FYTTD1: variants seen among roughly 807,000 people sequenced by gnomAD.
The protein encoded by FYTTD1 is forty-two-three domain containing 1.
FYTTD1 carries 22 observed loss-of-function variants against 40.9 expected under a neutral mutation model. That is an observed-to-expected ratio of 0.54 (90% CI 0.38 to 0.77). FYTTD1 has a LOEUF of 0.77. Ranked by LOEUF, FYTTD1 falls within the 30% of genes least tolerant of loss-of-function variation. FYTTD1 has a pLI of 0.00. For missense variants in FYTTD1, 351 were observed against 392.2 expected (o/e 0.90, Z 0.89); for synonymous variants, 140 against 137.9 (o/e 1.01, Z -0.10).
At chr3:197,762,347 T>C (rs1407630430) in intron 2 of FYTTD1, among the ~76,000 whole-genome samples, 1 of 146,596 alleles carries the variant, frequency 6.8e-6, no homozygotes, top group Non-Finnish European at 1.5e-5. Flanking sequence ...TCCCAGCACT[T>C]TGGGAGGCCG....
At chr3:197,764,553 C>CA (rs1453100449) in intron 2 of FYTTD1, among the ~76,000 whole-genome samples, 1 of 151,682 alleles carries the variant, frequency 6.6e-6, no homozygotes, top group Admixed American at 6.6e-5. Flanking sequence ...ACTAAAAATG[C>CA]AAAAAATTAG....
chr3:197,777,547 A>G (rs1049753645), intron 7 of FYTTD1, among the ~76,000 whole-genome samples: 4 of 151,988 alleles, frequency 2.6e-5, no homozygotes, highest in Non-Finnish European at 5.9e-5. Flanking sequence ...CCCAATATAT[A>G]TATTTTTGTG....
chr3:197,780,650 C>G (rs552795584), intron 8 of FYTTD1, among the ~76,000 whole-genome samples: 3 of 151,756 alleles, frequency 2.0e-5, no homozygotes, highest in Non-Finnish European at 4.4e-5. Context: ...TCAAGCAATT[C>G]TCCTGCCTTA....
chr3:197,785,307 A>G lies in FYTTD1; in HGVS notation c.*3398A>G, dbSNP rs1286695548. On this transcript the variant is annotated 3_prime_UTR_variant, in exon 9 of 9. Coordinates refer to ENST00000241502, the MANE Select transcript of FYTTD1 (RefSeq NM_032288.7). ...ACCCTGCGCAATACTGAAGTCCCAC[A>G]TCTGTGTAAACGAAAAGTTGGCCCA... is the stretch of plus-strand genomic sequence containing the variant. 6.6e-6 allele frequency: 1 copy of G among 152,210 alleles called. No individual in the cohort carries two copies. The highest frequency in any genetic ancestry group is 1.5e-5 in the Non-Finnish European group (1 of 68,036). 9.4% of individuals were successfully genotyped at this position (152,210 alleles called of 1,614,324 possible). A position where few individuals can be genotyped will look rare whatever the true frequency, so the allele number is the denominator to read the frequency against.
chr3:197,750,146 G>A, intron 1 of FYTTD1, 72 bp downstream of exon 1: 1 of 1,175,770 alleles, frequency 8.5e-7, no homozygotes, highest in Non-Finnish European at 1.2e-6. Context: ...GCGGTTTGTG[G>A]GGGCAGGGGC....
rs1730176408 is a variant in FYTTD1, at chr3:197,787,372, G to A, written c.*5463G>A. On this transcript the variant is annotated 3_prime_UTR_variant, in exon 9 of 9. Coordinates refer to ENST00000241502, the MANE Select transcript of FYTTD1 (RefSeq NM_032288.7). ...GCCCGCCTCTGACTCCCAAAGTGCT[G>A]GGATTACAGGCATGAGCTACGGAGC... The A allele has an allele frequency of 6.6e-6, 1 of 152,312 alleles. No individual in the cohort carries two copies. Among genetic ancestry groups the A allele is most frequent in the African/African-American group, 2.4e-5 (1 of 41,414 alleles). 9.4% of individuals were successfully genotyped at this position (152,312 alleles called of 1,614,324 possible).
chr3:197,758,459 A>T (rs1243949561), intron 2 of FYTTD1, among the ~76,000 whole-genome samples: 1 of 152,220 alleles, frequency 6.6e-6, no homozygotes, highest in African/African-American at 2.4e-5. Context: ...TAGAGATAAG[A>T]TGGAAAAGGT....
At position 197,749,935 on chromosome 3, in the gene FYTTD1, C is replaced by T. The variant is rs775759906; in HGVS notation, c.-37C>T. The T allele has an allele frequency of 2.9e-5, 42 of 1,448,092 alleles. No individual in the cohort carries two copies. The highest frequency in any genetic ancestry group is 2.0e-4 in the Middle Eastern group (1 of 5,044). The allele number at this position is 1,448,092 out of a possible 1,614,324, so 89.7% of individuals were successfully genotyped here. ...GAGGTGGCAGGCCTGCGACTCCGGC[C>T]TTGTCCGCGCCCGCTCTCGGCGCGA... On this transcript the variant is annotated 5_prime_UTR_variant, in exon 1 of 9. Coordinates refer to ENST00000241502, the MANE Select transcript of FYTTD1 (RefSeq NM_032288.7).
At chr3:197,774,773 G>T (rs994149123) in intron 6 of FYTTD1, among the ~76,000 whole-genome samples, 1 of 138,556 alleles carries the variant, frequency 7.2e-6, no homozygotes, top group African/African-American at 2.8e-5. Flanking sequence ...ATAGCTCGAT[G>T]GCCAGTGCAC....
chr3:197,773,535 G>C (rs1287903462), intron 5 of FYTTD1, 36 bp downstream of exon 5: 1 of 1,287,738 alleles, frequency 7.8e-7, no homozygotes, highest in Non-Finnish European at 1.1e-6. Flanking sequence ...TTGTTTGTTT[G>C]TTTGTTTTTT....
At chr3:197,776,381 T>C (rs920357972) in intron 6 of FYTTD1, among the ~76,000 whole-genome samples, 1 of 131,174 alleles carries the variant, frequency 7.6e-6, no homozygotes, top group Admixed American at 7.6e-5. Context: ...CCAGCTTAAA[T>C]TTGTTTTTTT....
Position 197,785,438 on chromosome 3 carries a change from T to G in FYTTD1, c.*3529T>G, listed in dbSNP as rs929913845. 5.3e-5 allele frequency: 8 copies of G among 152,218 alleles called. No individual in the cohort carries two copies. The highest frequency in any genetic ancestry group is 1.9e-4 in the African/African-American group (8 of 41,456). The allele number at this position is 152,218 out of a possible 1,614,324, so 9.4% of individuals were successfully genotyped here. ...GCCATGTTGTTGAAGGGCCAACTGT[T>G]TAAGCCAATCGTAAAATACTGTGTC... On this transcript the variant is annotated 3_prime_UTR_variant, in exon 9 of 9. Transcript: ENST00000241502.
At chr3:197,777,360 G>A (rs915048047) in intron 7 of FYTTD1, among the ~76,000 whole-genome samples, 7 of 151,954 alleles carry the variant, frequency 4.6e-5, no homozygotes, top group Admixed American at 2.6e-4. Flanking sequence ...AAGCTCAAGC[G>A]ATCCTCCTGC....
chr3:197,772,331 A>G (rs1729744664), intron 4 of FYTTD1, among the ~76,000 whole-genome samples: 1 of 152,230 alleles, frequency 6.6e-6, no homozygotes, highest in Non-Finnish European at 1.5e-5. Flanking sequence ...ATAGTGTTTC[A>G]TATTTATCAA....
chr3:197,785,519 A>G lies in FYTTD1; in HGVS notation c.*3610A>G, dbSNP rs1730134527. 1 of 152,204 alleles carries G rather than the reference A, an allele frequency of 6.6e-6. No individual in the cohort carries two copies. Among genetic ancestry groups the G allele is most frequent in the African/African-American group, 2.4e-5 (1 of 41,450 alleles). The allele number at this position is 152,204 out of a possible 1,614,324, so 9.4% of individuals were successfully genotyped here. On this transcript the variant is annotated 3_prime_UTR_variant, in exon 9 of 9. Transcript: ENST00000241502. Reference sequence around the variant, plus strand: ...AGTTTTTATTAGACTAGGTATGTATATCATTATTAATATTTTACTGTAAAT... The same window carrying G: ...AGTTTTTATTAGACTAGGTATGTATGTCATTATTAATATTTTACTGTAAAT...
intron 6 of FYTTD1, among the ~76,000 whole-genome samples, chr3:197,775,060 C>G (rs1729837781): frequency 6.6e-6 from 1 of 152,138 alleles, no homozygotes; most frequent in Non-Finnish European, 1.5e-5. Flanking sequence ...TTGGCTATAC[C>G]ATTTTAATGA....
intron 7 of FYTTD1, among the ~76,000 whole-genome samples, 153 bp downstream of exon 7, chr3:197,777,154 TGTAAA>T (rs1328311760): frequency 1.3e-5 from 2 of 152,202 alleles, no homozygotes; most frequent in South Asian, 2.1e-4. Flanking sequence ...CAGTATATGG[TGTAAA>T]GTAAAGTAAG....
intron 1 of FYTTD1, chr3:197,750,702 G>A (rs1728997048): frequency 1.0e-6 from 1 of 985,422 alleles, no homozygotes; most frequent in South Asian, 4.7e-5. Context: ...GGATGTGGTT[G>A]TGTATTGAGC....
At chr3:197,769,593 A>G (rs950012568) in intron 3 of FYTTD1, among the ~76,000 whole-genome samples, 3 of 152,140 alleles carry the variant, frequency 2.0e-5, no homozygotes, top group Non-Finnish European at 4.4e-5. Flanking sequence ...AGGATGTCTC[A>G]TGTGCTTTTG....
Sources: gnomAD v4.1 joint callset for allele counts (sites outside exome capture counted in the v4.1 genomes callset) on GRCh38, gnomAD v4.1.1 for gene constraint, MANE v1.5 for transcripts, NCBI Gene and HGNC (gene_info 2026-07-23, HGNC 2026-07-21) for gene names.